Variants in VSTM4 observed in about 807,000 individuals in gnomAD.
VSTM4 encodes the protein V-set and transmembrane domain-containing protein 4.
Under a neutral mutation model 36.4 loss-of-function variants are expected in VSTM4, and 20 were observed. The ratio of observed to expected loss-of-function variants is 0.55; its 90% CI spans 0.39 to 0.80. The LOEUF (loss-of-function observed/expected upper bound fraction) is 0.80, where lower values mean the gene tolerates loss of function less well. Ranked by LOEUF, VSTM4 falls within the 30% of genes least tolerant of loss-of-function variation. The pLI is 0.00. For missense variants in VSTM4, 392 were observed against 404.5 expected (o/e 0.97, Z 0.26); for synonymous variants, 182 against 173.9 (o/e 1.05, Z -0.37).
chr10:49,054,322 C>T (rs1235523252), intron 5 of VSTM4, among the ~76,000 whole-genome samples: 1 of 152,266 alleles, frequency 6.6e-6, no homozygotes, highest in East Asian at 1.9e-4. Context: ...CATTCTACTG[C>T]ATTTCAAGTC....
At chr10:49,091,549 G>A (rs1844474718) in intron 2 of VSTM4, among the ~76,000 whole-genome samples, 1 of 152,218 alleles carries the variant, frequency 6.6e-6, no homozygotes, top group Admixed American at 6.5e-5. Context: ...TCAGAGAGGT[G>A]TGAAAACCGA....
intron 4 of VSTM4, among the ~76,000 whole-genome samples, chr10:49,072,696 T>TATGG (rs763075055): frequency 1.0e-3 from 157 of 151,956 alleles, no homozygotes; most frequent in African/African-American, 3.5e-3. Flanking sequence ...AGTTGGGGGG[T>TATGG]ATGGCTACCT....
rs547520621 is a variant in VSTM4 at position 49,062,020 on chromosome 10, A to C, written c.668+2683T>G. Among the ~76,000 whole-genome samples the C allele has an allele frequency of 3.3e-5, 5 of 152,282 alleles. No homozygotes were observed. The South Asian group carries it at 1.0e-3, about 32-fold the overall frequency. On this transcript the variant is annotated intron_variant, in intron 5 of 7. Transcript: ENST00000332853. The stretch of plus-strand genomic sequence containing the variant: ...GAATTCTGAGTGTATTGTTTTTGCA[A>C]AGTTATTTTAGTGATTGCTTTGGTC...
intron 7 of VSTM4, among the ~76,000 whole-genome samples, chr10:49,037,532 G>C (rs757985618): frequency 2.6e-5 from 4 of 152,202 alleles, no homozygotes; most frequent in Admixed American, 6.5e-5. Context: ...CCAAAGGGGC[G>C]CTCTAGTGAC....
chr10:49,042,145 A>T (rs908782442), intron 7 of VSTM4, among the ~76,000 whole-genome samples: 5 of 152,182 alleles, frequency 3.3e-5, no homozygotes, highest in African/African-American at 9.7e-5. Context: ...TCTGCAGGAG[A>T]CTGAATGTAA....
At chr10:49,103,261 A>T (rs528598240) in intron 2 of VSTM4, 1 of 153,922 alleles carries the variant, frequency 6.5e-6, no homozygotes, top group East Asian at 1.9e-4. Flanking sequence ...TCCATCATTA[A>T]CATTATGTTT....
chr10:49,114,977 G>T (rs1844964718), intron 1 of VSTM4, among the ~76,000 whole-genome samples: 1 of 152,120 alleles, frequency 6.6e-6, no homozygotes. Flanking sequence ...CCTGGCCAAG[G>T]CAGATCCAGC....
At chr10:49,094,935 T>C (rs566371596) in intron 2 of VSTM4, among the ~76,000 whole-genome samples, 2 of 152,254 alleles carry the variant, frequency 1.3e-5, no homozygotes, top group Non-Finnish European at 2.9e-5. Context: ...AAGCCATATA[T>C]GTCAGTAGGA....
At chr10:49,020,745 A>AAGGAAGGG (rs1428911692) in intron 7 of VSTM4, among the ~76,000 whole-genome samples, 2 of 130,266 alleles carry the variant, frequency 1.5e-5, no homozygotes, top group African/African-American at 5.6e-5. Flanking sequence ...GGAAGGAAGG[A>AAGGAAGGG]AGGAAGGGAG....
chr10:49,091,716 C>T (rs1844478328), intron 2 of VSTM4, among the ~76,000 whole-genome samples: 1 of 152,202 alleles, frequency 6.6e-6, no homozygotes, highest in African/African-American at 2.4e-5. Flanking sequence ...AGGACGCTGA[C>T]ATGCTTTGTC....
At chr10:49,100,719 A>G (rs375631841) in intron 2 of VSTM4, among the ~76,000 whole-genome samples, 36 of 152,278 alleles carry the variant, frequency 2.4e-4, no homozygotes, top group African/African-American at 8.2e-4. Flanking sequence ...TCAAACCCCA[A>G]TGTAATTTTT....
At chr10:49,068,302 G>T (rs778771438) in intron 4 of VSTM4, among the ~76,000 whole-genome samples, 8 of 152,082 alleles carry the variant, frequency 5.3e-5, no homozygotes, top group Non-Finnish European at 1.0e-4. Flanking sequence ...TGAGCTGACC[G>T]GTGTTTTGAT....
intron 2 of VSTM4, among the ~76,000 whole-genome samples, chr10:49,086,633 A>C (rs995019183): frequency 6.6e-6 from 1 of 152,256 alleles, no homozygotes; most frequent in African/African-American, 2.4e-5. Context: ...GGGCCCACGG[A>C]AAGTTTCCAT....
At chr10:49,033,902 C>T (rs1012157691) in intron 7 of VSTM4, among the ~76,000 whole-genome samples, 1 of 152,024 alleles carries the variant, frequency 6.6e-6, no homozygotes, top group Admixed American at 6.6e-5. Flanking sequence ...ACCGCCATCA[C>T]CACCATCATC....
intron 7 of VSTM4, among the ~76,000 whole-genome samples, chr10:49,036,032 G>A (rs985746840): frequency 1.3e-5 from 2 of 152,144 alleles, no homozygotes; most frequent in African/African-American, 2.4e-5. Context: ...GGCCTGCAGG[G>A]AAAAGACAGC....
chr10:49,105,578 T>C (rs527483158), intron 2 of VSTM4, among the ~76,000 whole-genome samples: 3 of 152,208 alleles, frequency 2.0e-5, no homozygotes, highest in African/African-American at 7.2e-5. Flanking sequence ...TCCAGTGAGG[T>C]GTTAAAAACT....
Position 49,107,804 on chromosome 10 carries a change from C to T in VSTM4, c.247G>A (p.Val83Met). The change falls in exon 2 of 8, where the codon GTG becomes ATG. Residue 83 changes from valine (V) to methionine (M), a missense_variant. By Grantham distance (21) the Val-to-Met change is conservative (BLOSUM62 1). Coordinates refer to ENST00000332853, the MANE Select transcript of VSTM4 (RefSeq NM_001031746.5). ...ALMVKMTKLR[V>M]VQYYGNFSRS... ...CTGAAATTCCCATAGTACTGCACCA[C>T]CCGGAGCTTGGTCATCTTCACCATC... 6.2e-7 allele frequency: 1 copy of T among 1,614,266 alleles called. No individual in the cohort carries two copies. The highest frequency in any genetic ancestry group is 8.5e-7 in the Non-Finnish European group (1 of 1,180,050).
chr10:49,074,295 T>A (rs545849936), intron 4 of VSTM4, among the ~76,000 whole-genome samples: 2 of 152,362 alleles, frequency 1.3e-5, no homozygotes, highest in Admixed American at 1.3e-4. Context: ...TCTATGAATT[T>A]CATTTTAAAA....
chr10:49,023,449 T>C (rs565250775), intron 7 of VSTM4, among the ~76,000 whole-genome samples: 1 of 152,312 alleles, frequency 6.6e-6, no homozygotes, highest in African/African-American at 2.4e-5. Context: ...TAAGGTGCAT[T>C]TGAGGAGAAG....
Sources: gnomAD v4.1 joint callset for allele counts (sites outside exome capture counted in the v4.1 genomes callset) on GRCh38, gnomAD v4.1.1 for gene constraint, MANE v1.5 for transcripts, NCBI Gene and HGNC (gene_info 2026-07-23, HGNC 2026-07-21) for gene names.